ATXN1: variants seen among roughly 807,000 people sequenced by gnomAD.
The protein encoded by ATXN1 is ataxin-1.
A neutral mutation model predicts 56.4 loss-of-function variants in ATXN1; 8 were observed. That is an observed-to-expected ratio of 0.14 (90% CI 0.08 to 0.26). ATXN1 has a LOEUF of 0.26. Ranked by LOEUF, ATXN1 falls within the 10% of genes least tolerant of loss-of-function variation. ATXN1 has a pLI of 1.00. For synonymous variants in ATXN1, 514 were observed against 494.6 expected (o/e 1.04, Z -0.52); for missense variants, 987 against 1,106.5 (o/e 0.89, Z 1.53).
chr6:16,659,104 G>T (rs1237819048), intron 2 of ATXN1, among the ~76,000 whole-genome samples: 1 of 152,192 alleles, frequency 6.6e-6, no homozygotes, highest in Non-Finnish European at 1.5e-5. Flanking sequence ...TTTTGAGGAG[G>T]AGAAAGTGTC....
intron 3 of ATXN1, among the ~76,000 whole-genome samples, chr6:16,610,145 A>G (rs1763078187): frequency 6.6e-6 from 1 of 152,156 alleles, no homozygotes; most frequent in Non-Finnish European, 1.5e-5. Context: ...CAAAGTAGGA[A>G]GCCAACATAG....
intron 3 of ATXN1, among the ~76,000 whole-genome samples, chr6:16,633,623 AGT>A (rs1046306509): frequency 2.0e-5 from 3 of 152,148 alleles, no homozygotes; most frequent in African/African-American, 7.2e-5. Flanking sequence ...GCCTTGCGAG[AGT>A]GTGTCATGTG....
intron 6 of ATXN1, among the ~76,000 whole-genome samples, chr6:16,350,036 A>G (rs961070919): frequency 6.6e-6 from 1 of 152,222 alleles, no homozygotes; most frequent in Non-Finnish European, 1.5e-5. Flanking sequence ...AAATATGACT[A>G]ACGATTTAAT....
At chr6:16,629,930 A>AT (rs397934883) in intron 3 of ATXN1, among the ~76,000 whole-genome samples, 1 of 151,534 alleles carries the variant, frequency 6.6e-6, no homozygotes, top group African/African-American at 2.4e-5. Context: ...AAAAAAAAAA[A>AT]TTCAAAAATT....
chr6:16,632,662 G>T (rs1763526274), intron 3 of ATXN1, among the ~76,000 whole-genome samples: 1 of 143,350 alleles, frequency 7.0e-6, no homozygotes, highest in Non-Finnish European at 1.5e-5. Context: ...CAGGAGGGGG[G>T]TTAAGAAAAA....
chr6:16,608,690 T>C (rs904321070), intron 3 of ATXN1, among the ~76,000 whole-genome samples: 6 of 152,162 alleles, frequency 3.9e-5, no homozygotes, highest in African/African-American at 1.4e-4. Context: ...GGCTGCTACT[T>C]GAGAGTTCTT....
At chr6:16,318,129 A>C (rs1056632741) in intron 7 of ATXN1, among the ~76,000 whole-genome samples, 1 of 152,228 alleles carries the variant, frequency 6.6e-6, no homozygotes, top group Non-Finnish European at 1.5e-5. Flanking sequence ...ATATACACAC[A>C]TATGTACATA....
At chr6:16,726,855 T>C (rs1008960312) in intron 2 of ATXN1, among the ~76,000 whole-genome samples, 8 of 151,918 alleles carry the variant, frequency 5.3e-5, no homozygotes, top group Non-Finnish European at 7.4e-5. Context: ...CGAAACTTCA[T>C]CTCAAAAAAA....
intron 6 of ATXN1, among the ~76,000 whole-genome samples, chr6:16,446,424 C>T (rs1414046370): frequency 6.6e-6 from 1 of 152,214 alleles, no homozygotes; most frequent in Admixed American, 6.5e-5. Context: ...TTCCCACAGC[C>T]TTCCTTTGGG....
chr6:16,630,039 T>C (rs1213245253), intron 3 of ATXN1, among the ~76,000 whole-genome samples: 2 of 152,200 alleles, frequency 1.3e-5, no homozygotes, highest in African/African-American at 2.4e-5. Flanking sequence ...AAGGTTAAGA[T>C]GAAAATGCTT....
intron 5 of ATXN1, among the ~76,000 whole-genome samples, chr6:16,515,682 A>G (rs961361941): frequency 6.6e-6 from 1 of 151,850 alleles, no homozygotes; most frequent in Non-Finnish European, 1.5e-5. Flanking sequence ...CTTACTTTAC[A>G]TGTTAGATTG....
intron 4 of ATXN1, among the ~76,000 whole-genome samples, chr6:16,544,342 C>T (rs1420586935): frequency 6.6e-6 from 1 of 152,174 alleles, no homozygotes; most frequent in Non-Finnish European, 1.5e-5. Context: ...TGGGGCTCTG[C>T]TTGGGGGACT....
chr6:16,397,446 T>G (rs1363171013), intron 6 of ATXN1, among the ~76,000 whole-genome samples: 2 of 152,078 alleles, frequency 1.3e-5, no homozygotes, highest in Non-Finnish European at 2.9e-5. Context: ...ATATTTTTAG[T>G]AGAGATGGGG....
chr6:16,753,042 T>C (rs1303612906), intron 2 of ATXN1, 191 bp downstream of exon 2: 10 of 350,980 alleles, frequency 2.8e-5, no homozygotes, highest in South Asian at 1.3e-4. Flanking sequence ...ACCAAATAGA[T>C]AGATACTTTA....
intron 2 of ATXN1, among the ~76,000 whole-genome samples, chr6:16,693,912 G>C (rs1759101478): frequency 6.6e-6 from 1 of 152,012 alleles, no homozygotes; most frequent in African/African-American, 2.4e-5. Flanking sequence ...TCCACCCTAG[G>C]GTAGGAAAAA....
rs1760796990 is a variant in ATXN1, at chr6:16,326,075, G to A, written c.1917+319C>T. Among the ~76,000 whole-genome samples, 1 of 152,222 alleles carries A rather than the reference G, an allele frequency of 6.6e-6. No homozygotes were observed. The highest frequency in any genetic ancestry group is 1.5e-5 in the Non-Finnish European group (1 of 68,048). On this transcript the variant is annotated intron_variant, in intron 7 of 7. Coordinates refer to ENST00000436367, the MANE Select transcript of ATXN1 (RefSeq NM_001128164.2). The surrounding 1 kb of genome is among the most constrained non-coding windows in gnomAD (Gnocchi z 6.6). ...CACTAGAAGGACCTGAAGTCCAGCAGCGTTTCCTAATCAGGGTTCCTCATC... is the reference window on the plus strand; with the variant it reads ...CACTAGAAGGACCTGAAGTCCAGCAACGTTTCCTAATCAGGGTTCCTCATC...
intron 6 of ATXN1, among the ~76,000 whole-genome samples, chr6:16,400,113 A>C (rs1758537723): frequency 6.6e-6 from 1 of 152,010 alleles, no homozygotes; most frequent in African/African-American, 2.4e-5. Context: ...GACACTTGAA[A>C]CTTTCAGAAG....
At chr6:16,631,761 T>C (rs1318298150) in intron 3 of ATXN1, among the ~76,000 whole-genome samples, 1 of 152,212 alleles carries the variant, frequency 6.6e-6, no homozygotes, top group African/African-American at 2.4e-5. Flanking sequence ...GGCTAATCAA[T>C]AAGAGTTTTG....
chr6:16,329,674 CCCTT>C (rs1760935467), intron 6 of ATXN1, among the ~76,000 whole-genome samples: 1 of 152,214 alleles, frequency 6.6e-6, no homozygotes, highest in South Asian at 2.1e-4. Context: ...TCACACCGTC[CCCTT>C]TCTCATTGGA....
Sources: gnomAD v4.1 joint callset for allele counts (sites outside exome capture counted in the v4.1 genomes callset) on GRCh38, gnomAD v4.1.1 for gene constraint, Gnocchi (gnomAD v3.1) non-coding constraint, MANE v1.5 for transcripts, NCBI Gene and HGNC (gene_info 2026-07-23, HGNC 2026-07-21) for gene names.